Variants in ZFHX3 observed in about 807,000 individuals in gnomAD.
The protein encoded by ZFHX3 is zinc finger homeobox protein 3.
A neutral mutation model predicts 279.1 loss-of-function variants in ZFHX3; 42 were observed. That is an observed-to-expected ratio of 0.15 (90% CI 0.12 to 0.19). ZFHX3 has a LOEUF of 0.19. Ranked by LOEUF, ZFHX3 falls within the 10% of genes least tolerant of loss-of-function variation. The probability of loss-of-function intolerance (pLI) is 1.00; values close to 1 mark genes in which losing one functional copy is unlikely to be tolerated. For synonymous variants in ZFHX3, 2,293 were observed against 1,957.8 expected, an observed-to-expected ratio of 1.17 and a Z score of -4.52; for missense variants, 4,981 against 4,754.0, an observed-to-expected ratio of 1.05 and a Z score of -1.40.
chr16:73,883,844 T>C (rs1015026565), intron 1 of ZFHX3, among the ~76,000 whole-genome samples: 1 of 152,084 alleles, frequency 6.6e-6, no homozygotes, highest in Non-Finnish European at 1.5e-5. Flanking sequence ...AAGGTCTCCA[T>C]AAGTGAGTAG....
intron 6 of ZFHX3, among the ~76,000 whole-genome samples, chr16:73,136,362 G>A (rs1343644255): frequency 6.6e-6 from 1 of 151,982 alleles, no homozygotes; most frequent in Non-Finnish European, 1.5e-5. Context: ...CAGTTCTTTG[G>A]TTCCCAAAGA....
intron 5 of ZFHX3, among the ~76,000 whole-genome samples, chr16:73,170,864 C>T (rs1252533593): frequency 1.3e-5 from 2 of 152,086 alleles, no homozygotes; most frequent in Admixed American, 6.5e-5. Flanking sequence ...GACAAGTGCC[C>T]TCATGTGCCC....
rs2144395995 is a variant in ZFHX3, at chr16:72,950,828, A to T, written c.2857T>A (p.Phe953Ile). 6.2e-7 allele frequency: 1 copy of T among 1,614,134 alleles called. No individual in the cohort carries two copies. Among genetic ancestry groups the T allele is most frequent in the South Asian group, 1.1e-5 (1 of 91,080 alleles). ...KLFQCAVCNK[F>I]TTDNLDMLGL... ...AGCATGTCCAGGTTGTCCGTCGTGA[A>T]CTTGTTGCAGACGGCGCACTGGAAG... The change falls in exon 3 of 10, where the codon TTC (phenylalanine) becomes ATC (isoleucine). Residue 953 changes from phenylalanine (F) to isoleucine (I), a missense_variant. Around this residue, in one of 7 missense-constraint regions of ZFHX3, gnomAD observed 1,751 missense variants for 1,770.0 expected, o/e 0.99. Transcript: ENST00000268489.
At position 72,796,158 on chromosome 16, in the gene ZFHX3, A is replaced by T; in HGVS notation, c.6524T>A (p.Ile2175Lys). 1 of 1,613,994 alleles carries T rather than the reference A, an allele frequency of 6.2e-7. No homozygotes were observed. The highest frequency in any genetic ancestry group is 8.5e-7 in the Non-Finnish European group (1 of 1,179,992). ...DINNSPSEEQIKEMADKSGLP... is the reference protein window; with the variant it reads ...DINNSPSEEQKKEMADKSGLP... ...CCCGGACTTGTCTGCCATCTCTTTTATTTGCTCTTCACTGGGGGAGTTGTT... is the reference window on the plus strand; with the variant it reads ...CCCGGACTTGTCTGCCATCTCTTTTTTTTGCTCTTCACTGGGGGAGTTGTT... The change falls in exon 9 of 10, where the codon ATA becomes AAA. Residue 2175 changes from isoleucine to lysine, a missense_variant. Around this residue, in one of 7 missense-constraint regions of ZFHX3, gnomAD observed 177 missense variants for 244.2 expected, o/e 0.72. Transcript: ENST00000268489.
intron 2 of ZFHX3, among the ~76,000 whole-genome samples, chr16:73,550,825 G>A (rs1404099859): frequency 6.6e-6 from 1 of 152,180 alleles, no homozygotes; most frequent in African/African-American, 2.4e-5. Flanking sequence ...GGTTTCCAGG[G>A]CAGTCTTCTG....
chr16:73,145,533 T>C (rs1457196074), intron 5 of ZFHX3, among the ~76,000 whole-genome samples: 1 of 152,222 alleles, frequency 6.6e-6, no homozygotes, highest in East Asian at 1.9e-4. Flanking sequence ...AAAGACTGTT[T>C]GATTGTTGAT....
intron 3 of ZFHX3, among the ~76,000 whole-genome samples, chr16:72,904,474 C>T (rs1471150859): frequency 2.0e-5 from 3 of 152,234 alleles, no homozygotes; most frequent in Admixed American, 6.5e-5. Flanking sequence ...TAAAGCTCCA[C>T]TATTCCTCCT....
intron 2 of ZFHX3, among the ~76,000 whole-genome samples, chr16:73,663,482 C>A (rs2052805997): frequency 6.6e-6 from 1 of 152,340 alleles, no homozygotes; most frequent in African/African-American, 2.4e-5. Flanking sequence ...TCCAATTTTG[C>A]CAACAACTTC....
intron 1 of ZFHX3, among the ~76,000 whole-genome samples, chr16:73,056,289 T>TAC (rs952822994): frequency 1.4e-4 from 21 of 152,300 alleles, no homozygotes; most frequent in African/African-American, 5.1e-4. Context: ...TCTCTTCTCA[T>TAC]ACACACACAG....
In ZFHX3 at chr16:73,778,424, T is replaced by C. The variant is rs995173475; in HGVS notation, c.-1607-98184A>G. On this transcript the variant is annotated intron_variant, in intron 1 of 17. Coordinates refer to the ZFHX3 transcript ENST00000641206. ...TACCTTACCTTGTCTACAAAAGTTG[T>C]ATTGAATGGATGGTGAAAATATTTT... 7.9e-5 allele frequency among the ~76,000 whole-genome samples: 12 copies of C among 152,258 alleles called. No homozygotes were observed. In the East Asian group the frequency reaches 2.1e-3, roughly 27 times the overall value.
rs1221020872 is a variant in ZFHX3 at position 73,618,641 on chromosome 16, G to C, written c.-1547+61539C>G. Among the ~76,000 whole-genome samples the C allele has an allele frequency of 3.3e-5, 5 of 152,248 alleles. No homozygotes were observed. The East Asian group carries it at 5.8e-4, about 18-fold the overall frequency. ...CCACAGACAGATGGCTGCAACTCCA[G>C]CTCCCTTAGTTTATATCTGAAAAAG... On this transcript the variant is annotated intron_variant, in intron 2 of 17. Transcript: ENST00000641206.
chr16:73,158,203 G>C (rs1967142206), intron 5 of ZFHX3, among the ~76,000 whole-genome samples: 1 of 152,188 alleles, frequency 6.6e-6, no homozygotes. Context: ...CTGGGGATTA[G>C]AAACCTGGGT....
In ZFHX3 at chr16:73,156,187, G is replaced by A. The variant is rs1012720212; in HGVS notation, c.-1103-12356C>T. 6.4e-5 allele frequency among the ~76,000 whole-genome samples: 9 copies of A among 140,396 alleles called. No individual in the cohort carries two copies. The South Asian group carries it at 9.1e-4, about 14-fold the overall frequency. 92.1% of individuals were successfully genotyped at this position (140,396 alleles called of 152,430 possible). A position where few individuals can be genotyped will look rare whatever the true frequency, so the allele number is the denominator to read the frequency against. On this transcript the variant is annotated intron_variant, in intron 5 of 17. Transcript: ENST00000641206. ...GCAGAGCTTGCAGTGAGCCAAGGGC[G>A]CACCACTGCACTCCAGCCTGGGCGA...
intron 1 of ZFHX3, among the ~76,000 whole-genome samples, chr16:73,685,669 T>G (rs999883952): frequency 4.6e-5 from 7 of 152,158 alleles, no homozygotes; most frequent in Non-Finnish European, 1.0e-4. Flanking sequence ...TAACATAGAG[T>G]AGAAATTTCT....
chr16:73,224,172 T>A (rs1226503041), intron 5 of ZFHX3, among the ~76,000 whole-genome samples: 2 of 152,204 alleles, frequency 1.3e-5, no homozygotes, highest in Non-Finnish European at 2.9e-5. Context: ...ATGTGAACTA[T>A]GGACTTTGGG....
intron 6 of ZFHX3, chr16:73,137,479 C>A (rs558920148): frequency 1.3e-5 from 2 of 152,078 alleles, no homozygotes; most frequent in South Asian, 4.2e-4. Context: ...AGATTAAGAA[C>A]GGGCATTTTA....
intron 3 of ZFHX3, among the ~76,000 whole-genome samples, chr16:73,404,275 G>T (rs2017316115): frequency 6.6e-6 from 1 of 152,172 alleles, no homozygotes; most frequent in African/African-American, 2.4e-5. Context: ...GCACAGAAGA[G>T]GGCTGGACTT....
At chr16:73,336,231 T>C (rs569645579) in intron 3 of ZFHX3, among the ~76,000 whole-genome samples, 1 of 152,338 alleles carries the variant, frequency 6.6e-6, no homozygotes, top group Non-Finnish European at 1.5e-5. Flanking sequence ...TCATTGAATC[T>C]TCTTATATTT....
At chr16:73,059,370 G>GCA (rs1422749597) in exon 1 of ZFHX3, 5 of 86,252 alleles carry the variant, frequency 5.8e-5, no homozygotes, top group East Asian at 1.0e-3. Context: ...ACACGAGCGC[G>GCA]CGCACACACA....
Sources: allele counts gnomAD v4.1 joint callset (sites outside exome capture counted in the v4.1 genomes callset), GRCh38; gene constraint gnomAD v4.1.1; regional missense constraint gnomAD v4.1.1; transcripts MANE v1.5; gene names NCBI Gene and HGNC (gene_info 2026-07-23, HGNC 2026-07-21).